The following ZNF624 variants were observed in gnomAD, a reference collection of about 807,000 sequenced individuals.
The protein encoded by ZNF624 is zinc finger protein 624.
Under a neutral mutation model 74.7 loss-of-function variants are expected in ZNF624, and 43 were observed. The ratio of observed to expected loss-of-function variants is 0.58; its 90% CI spans 0.45 to 0.74. ZNF624 has a LOEUF of 0.74. ZNF624 is among the 30% of genes least tolerant of loss of function. The probability of loss-of-function intolerance (pLI) is 0.00; values close to 1 mark genes in which losing one functional copy is unlikely to be tolerated. For synonymous variants in ZNF624, 331 were observed against 341.3 expected, an observed-to-expected ratio of 0.97 and a Z score of 0.33; for missense variants, 820 against 1,030.0, an observed-to-expected ratio of 0.80 and a Z score of 2.79.
At chr17:16,652,311 T>C (rs1909744960) in intron 1 of ZNF624, among the ~76,000 whole-genome samples, 1 of 151,960 alleles carries the variant, frequency 6.6e-6, no homozygotes, top group South Asian at 2.1e-4. Context: ...AGAAAAAAAA[T>C]GAGCCAAGAA....
chr17:16,647,208 G>C, intron 3 of ZNF624, 121 bp downstream of exon 3: 2 of 886,354 alleles, frequency 2.3e-6, no homozygotes, highest in African/African-American at 1.6e-5. Flanking sequence ...ACCAGCCCTG[G>C]GGCTACCACA....
At chr17:16,639,893 A>T (rs551051159) in intron 3 of ZNF624, among the ~76,000 whole-genome samples, 3 of 152,186 alleles carry the variant, frequency 2.0e-5, no homozygotes, top group Non-Finnish European at 2.9e-5. Context: ...ACAAAAAATT[A>T]TAAGACACAC....
At chr17:16,639,183 A>G (rs1909410005) in intron 3 of ZNF624, among the ~76,000 whole-genome samples, 1 of 152,214 alleles carries the variant, frequency 6.6e-6, no homozygotes. Context: ...CTGACTACTC[A>G]GGCAAAGAAG....
chr17:16,650,163 C>T (rs1182406817), intron 1 of ZNF624, among the ~76,000 whole-genome samples: 1 of 152,114 alleles, frequency 6.6e-6, no homozygotes, highest in Non-Finnish European at 1.5e-5. Context: ...AAAAAAAATA[C>T]TTCAGTCTTT....
intron 3 of ZNF624, among the ~76,000 whole-genome samples, chr17:16,645,837 G>A (rs1458661577): frequency 6.0e-5 from 9 of 149,410 alleles, no homozygotes; most frequent in Middle Eastern, 3.5e-3. Flanking sequence ...CTGTAATCCC[G>A]GCTACTCGGG....
At chr17:16,617,728 G>A, downstream of ZNF624, 1 of 1,603,282 alleles carries the variant, frequency 6.2e-7, no homozygotes. Context: ...AGCTCGTAAA[G>A]GGCGTCGTCG....
chr17:16,634,094 CCAAT>C, intron 4 of ZNF624, 137 bp from the exon 5 acceptor site: 2 of 544,358 alleles, frequency 3.7e-6, no homozygotes, highest in South Asian at 3.4e-5. Flanking sequence ...GATACAGTTG[CCAAT>C]TGTCACATAT....
intron 5 of ZNF624, among the ~76,000 whole-genome samples, chr17:16,627,962 C>T (rs552565415): frequency 2.6e-5 from 4 of 152,160 alleles, no homozygotes; most frequent in African/African-American, 9.6e-5. Context: ...AAATAACAGG[C>T]ATAAAAGGAG....
intron 1 of ZNF624, among the ~76,000 whole-genome samples, chr17:16,651,453 A>T (rs1569050127): frequency 6.6e-6 from 1 of 150,932 alleles, no homozygotes; most frequent in Non-Finnish European, 1.5e-5. Flanking sequence ...AAAAGTGAGT[A>T]TCTTAAAAAT....
chr17:16,618,415 T>G (rs148937855), downstream of ZNF624, among the ~76,000 whole-genome samples: 16 of 152,338 alleles, frequency 1.1e-4, no homozygotes, highest in African/African-American at 3.6e-4. Flanking sequence ...ATATTCATGT[T>G]TATAACTTCA....
intron 5 of ZNF624, among the ~76,000 whole-genome samples, chr17:16,628,239 G>A (rs1306224756): frequency 6.6e-6 from 1 of 151,902 alleles, no homozygotes; most frequent in Non-Finnish European, 1.5e-5. Flanking sequence ...CTCCAGCCTG[G>A]GTAAAAGAGC....
At chr17:16,632,961 T>A (rs988845648) in intron 5 of ZNF624, among the ~76,000 whole-genome samples, 4 of 152,228 alleles carry the variant, frequency 2.6e-5, no homozygotes, top group Admixed American at 2.6e-4. Context: ...ATCCTTTGCA[T>A]TGTTGTTCCC....
intron 5 of ZNF624, among the ~76,000 whole-genome samples, chr17:16,630,402 C>T (rs1381540872): frequency 6.6e-6 from 1 of 151,902 alleles, no homozygotes; most frequent in Non-Finnish European, 1.5e-5. Flanking sequence ...ACTGAAAATA[C>T]AAAAATTAGC....
intron 3 of ZNF624, among the ~76,000 whole-genome samples, chr17:16,640,795 G>T (rs924259157): frequency 2.6e-5 from 4 of 152,090 alleles, no homozygotes; most frequent in Non-Finnish European, 5.9e-5. Flanking sequence ...ATTTCAAGAA[G>T]AATTAATACC....
At chr17:16,650,733 G>C (rs1216702606) in intron 1 of ZNF624, among the ~76,000 whole-genome samples, 4 of 152,022 alleles carry the variant, frequency 2.6e-5, no homozygotes, top group African/African-American at 9.7e-5. Flanking sequence ...TATTCATGAG[G>C]GCAGTGACAT....
At chr17:16,618,526 A>G (rs1337769545), downstream of ZNF624, among the ~76,000 whole-genome samples, 1 of 152,226 alleles carries the variant, frequency 6.6e-6, no homozygotes, top group East Asian at 1.9e-4. Context: ...AATGTATATG[A>G]AAATGCTAAG....
chr17:16,624,885 A>AAAAAAAAAAAAAAAAAAAAAAAC, intron 5 of ZNF624: 1 of 176,320 alleles, frequency 5.7e-6, no homozygotes, highest in Non-Finnish European at 1.1e-5. Context: ...AAAAAAAAAA[A>AAAAAAAAAAAAAAAAAAAAAAAC]AATTAGCCAG....
At chr17:16,636,959 G>A (rs1352541847) in intron 3 of ZNF624, among the ~76,000 whole-genome samples, 1 of 152,154 alleles carries the variant, frequency 6.6e-6, no homozygotes, top group Admixed American at 6.5e-5. Context: ...TTCAACATGT[G>A]CAAATCAATA....
intron 3 of ZNF624, among the ~76,000 whole-genome samples, chr17:16,646,423 C>T (rs571283560): frequency 6.6e-6 from 1 of 152,214 alleles, no homozygotes. Context: ...TGGAATAAAA[C>T]CAACTTTCAA....
Sources: allele counts gnomAD v4.1 joint callset (sites outside exome capture counted in the v4.1 genomes callset), GRCh38; gene constraint gnomAD v4.1.1; transcripts MANE v1.5; gene names NCBI Gene and HGNC (gene_info 2026-07-23, HGNC 2026-07-21).